The following EPHA5 variants were observed in gnomAD, a reference collection of about 807,000 sequenced individuals.
EPHA5 encodes ephrin type-A receptor 5.
EPHA5 carries 60 observed loss-of-function variants against 105.0 expected under a neutral mutation model. That is an observed-to-expected ratio of 0.57 (90% CI 0.46 to 0.71). The LOEUF is 0.71. Among genes scored for constraint, EPHA5 ranks in the 30% least tolerant of loss-of-function variants. EPHA5 has a pLI of 0.00. For synonymous variants in EPHA5, 513 were observed against 449.1 expected, an observed-to-expected ratio of 1.14 and a Z score of -1.80; for missense variants, 1,218 against 1,274.7, an observed-to-expected ratio of 0.96 and a Z score of 0.68.
At chr4:65,655,092 A>C (rs1748939432) in intron 1 of EPHA5, among the ~76,000 whole-genome samples, 1 of 151,452 alleles carries the variant, frequency 6.6e-6, no homozygotes, top group Admixed American at 6.6e-5. Context: ...GTATTTCCTT[A>C]ATGTACATAG....
chr4:65,471,221 A>AG (rs1396353263), intron 5 of EPHA5, among the ~76,000 whole-genome samples: 15 of 152,328 alleles, frequency 9.8e-5, no homozygotes, highest in African/African-American at 3.6e-4. Flanking sequence ...CCTAACTCCT[A>AG]GAAAAACAGA....
At chr4:65,564,510 G>A (rs1380087813) in intron 3 of EPHA5, among the ~76,000 whole-genome samples, 1 of 151,616 alleles carries the variant, frequency 6.6e-6, no homozygotes, top group Non-Finnish European at 1.5e-5. Context: ...AATATATTGT[G>A]ACTTTGTTTT....
In EPHA5 at chr4:65,382,546, A is replaced by C. The variant is rs151064789; in HGVS notation, c.1794-15122T>G. Among the ~76,000 whole-genome samples, 74 of 151,996 alleles carry C rather than the reference A, an allele frequency of 4.9e-4. 1 individual carries two copies. In the East Asian group the frequency reaches 0.011, roughly 22 times the overall value. On this transcript the variant is annotated intron_variant, in intron 8 of 16. Coordinates refer to ENST00000613740, the MANE Select transcript of EPHA5 (RefSeq NM_001281766.3). ...TTTTGCTGCGGTAGAAGATACAGTC[A>C]TTCTCATTATTAGTAAACATTTACT... is the stretch of plus-strand genomic sequence containing the variant.
At chr4:65,472,244 C>T (rs960040569) in intron 5 of EPHA5, among the ~76,000 whole-genome samples, 2 of 152,166 alleles carry the variant, frequency 1.3e-5, no homozygotes, top group Admixed American at 6.5e-5. Flanking sequence ...ATCTGGAGCA[C>T]ACTGATGCCA....
intron 5 of EPHA5, among the ~76,000 whole-genome samples, chr4:65,445,468 T>G (rs918129126): frequency 6.6e-6 from 1 of 152,150 alleles, no homozygotes; most frequent in Admixed American, 6.5e-5. Flanking sequence ...TGCTTCTTTA[T>G]GAGAAAAGTT....
At chr4:65,415,036 T>C (rs535000194) in intron 6 of EPHA5, among the ~76,000 whole-genome samples, 2 of 152,274 alleles carry the variant, frequency 1.3e-5, no homozygotes, top group Non-Finnish European at 2.9e-5. Flanking sequence ...TCTTTGAAAA[T>C]GTCCTGATTT....
intron 5 of EPHA5, among the ~76,000 whole-genome samples, chr4:65,437,414 C>A (rs191803912): frequency 1.3e-5 from 2 of 152,070 alleles, no homozygotes; most frequent in East Asian, 3.9e-4. Flanking sequence ...GCATTTGTTT[C>A]TTTAATTAAT....
At chr4:65,642,348 G>C (rs1307729772) in intron 2 of EPHA5, among the ~76,000 whole-genome samples, 1 of 151,952 alleles carries the variant, frequency 6.6e-6, no homozygotes, top group East Asian at 1.9e-4. Context: ...AAGAGTGTAA[G>C]AAAGATAAAA....
At chr4:65,453,680 G>A (rs906266139) in intron 5 of EPHA5, among the ~76,000 whole-genome samples, 1 of 152,102 alleles carries the variant, frequency 6.6e-6, no homozygotes, top group Non-Finnish European at 1.5e-5. Flanking sequence ...ATGCTCCCCC[G>A]ACCAGTGCTA....
chr4:65,634,207 G>GT (rs1414341915), intron 2 of EPHA5, among the ~76,000 whole-genome samples: 1 of 152,072 alleles, frequency 6.6e-6, no homozygotes, highest in African/African-American at 2.4e-5. Context: ...TAGGAAAAGT[G>GT]TTTTGAGAAC....
chr4:65,554,182 T>G (rs147350513), intron 3 of EPHA5, among the ~76,000 whole-genome samples: 1 of 150,368 alleles, frequency 6.7e-6, no homozygotes, highest in Non-Finnish European at 1.5e-5. Flanking sequence ...ACTTGTACTT[T>G]TGCTAATCTC....
chr4:65,359,248 G>T (rs1388520946), intron 11 of EPHA5, among the ~76,000 whole-genome samples: 1 of 151,580 alleles, frequency 6.6e-6, no homozygotes, highest in Non-Finnish European at 1.5e-5. Context: ...AGAAAAACAA[G>T]AACCAAATTA....
chr4:65,524,628 T>C (rs1578332958), intron 3 of EPHA5, among the ~76,000 whole-genome samples: 1 of 151,900 alleles, frequency 6.6e-6, no homozygotes, highest in South Asian at 2.1e-4. Context: ...GAAGTATTAT[T>C]AAATAGCTTC....
At chr4:65,669,237 C>G (rs913170555) in intron 1 of EPHA5, among the ~76,000 whole-genome samples, 3 of 151,936 alleles carry the variant, frequency 2.0e-5, no homozygotes, top group Non-Finnish European at 4.4e-5. Context: ...CCAGCCGCAC[C>G]CATCCCCCTG....
At chr4:65,646,911 A>T (rs1478102597) in intron 1 of EPHA5, among the ~76,000 whole-genome samples, 1 of 152,200 alleles carries the variant, frequency 6.6e-6, no homozygotes, top group African/African-American at 2.4e-5. Flanking sequence ...AGGTGTTCTT[A>T]TATACGCTTC....
At chr4:65,489,838 T>C (rs1430549247) in intron 5 of EPHA5, among the ~76,000 whole-genome samples, 1 of 152,202 alleles carries the variant, frequency 6.6e-6, no homozygotes, top group Non-Finnish European at 1.5e-5. Context: ...TAATAGTTCA[T>C]AGTTACTCTA....
chr4:65,648,153 T>C (rs1345863012), intron 1 of EPHA5, among the ~76,000 whole-genome samples: 1 of 152,204 alleles, frequency 6.6e-6, no homozygotes, highest in African/African-American at 2.4e-5. Context: ...ATAAATAAAA[T>C]GGAATATGAA....
chr4:65,465,656 A>G (rs1728646418), intron 5 of EPHA5, among the ~76,000 whole-genome samples: 1 of 152,172 alleles, frequency 6.6e-6, no homozygotes, highest in African/African-American at 2.4e-5. Context: ...AAATAATAGG[A>G]ATATGACAGA....
At chr4:65,339,280 C>T (rs574862969) in intron 14 of EPHA5, among the ~76,000 whole-genome samples, 4 of 151,962 alleles carry the variant, frequency 2.6e-5, no homozygotes, top group Non-Finnish European at 5.9e-5. Context: ...CTTTTCCCAC[C>T]CACAGACCCT....
Sources: gnomAD v4.1 joint callset for allele counts (sites outside exome capture counted in the v4.1 genomes callset) on GRCh38, gnomAD v4.1.1 for gene constraint, MANE v1.5 for transcripts, NCBI Gene and HGNC (gene_info 2026-07-23, HGNC 2026-07-21) for gene names.